The following NRXN1 variants were observed in gnomAD, a reference collection of about 807,000 sequenced individuals.
NRXN1 encodes the protein neurexin 1, also known as neurexin-1.
In NRXN1, 39 loss-of-function variants were observed where a neutral mutation model predicts 150.9. The observed-to-expected ratio is 0.26, with a 90% CI of 0.20 to 0.34. NRXN1 has a LOEUF of 0.34. Among genes scored for constraint, NRXN1 ranks in the 10% least tolerant of loss-of-function variants. The probability of loss-of-function intolerance (pLI) is 1.00; values close to 1 mark genes in which losing one functional copy is unlikely to be tolerated. For synonymous variants in NRXN1, 924 were observed against 757.0 expected, an observed-to-expected ratio of 1.22 and a Z score of -3.62; for missense variants, 1,815 against 1,949.9, an observed-to-expected ratio of 0.93 and a Z score of 1.30.
rs1029982749 is a variant in NRXN1 at position 49,920,045 on chromosome 2, A to C, written c.*1899T>G. 6.6e-6 allele frequency: 1 copy of C among 152,192 alleles called. No homozygotes were observed. Among genetic ancestry groups the C allele is most frequent in the Non-Finnish European group, 1.5e-5 (1 of 68,006 alleles). The allele number at this position is 152,192 out of a possible 1,614,324, so 9.4% of individuals were successfully genotyped here. ...GCAACCAATTTTTCCTGAAACATCA[A>C]CTTGCAATGTAATAATGCATTTTTT... On this transcript the variant is annotated 3_prime_UTR_variant, in exon 23 of 23. Transcript: ENST00000401669.
chr2:50,573,170 G>A (rs1670907333), intron 8 of NRXN1, among the ~76,000 whole-genome samples: 1 of 152,120 alleles, frequency 6.6e-6, no homozygotes, highest in South Asian at 2.1e-4. Context: ...AGGAGTTCGA[G>A]ACCAGCCTAG....
intron 17 of NRXN1, among the ~76,000 whole-genome samples, chr2:50,321,829 G>A (rs915174879): frequency 1.3e-5 from 2 of 151,962 alleles, no homozygotes; most frequent in Non-Finnish European, 2.9e-5. Context: ...CAATTAACCA[G>A]AAGTAGCTAA....
At chr2:50,500,508 T>C (rs141502392) in intron 13 of NRXN1, among the ~76,000 whole-genome samples, 19 of 152,334 alleles carry the variant, frequency 1.2e-4, no homozygotes, top group African/African-American at 3.4e-4. Flanking sequence ...TTAATCCTCA[T>C]CAGTAATACA....
intron 8 of NRXN1, among the ~76,000 whole-genome samples, chr2:50,598,515 C>T (rs1055642476): frequency 6.6e-6 from 1 of 150,762 alleles, no homozygotes; most frequent in Non-Finnish European, 1.5e-5. Context: ...TATACACATA[C>T]TTATAAGCTG....
At chr2:50,762,322 CT>C (rs1250681460) in intron 5 of NRXN1, among the ~76,000 whole-genome samples, 1 of 151,672 alleles carries the variant, frequency 6.6e-6, no homozygotes, top group African/African-American at 2.4e-5. Flanking sequence ...AGGTCATGTA[CT>C]TTTTTAAATT....
chr2:49,977,092 G>T (rs369250876), intron 21 of NRXN1, among the ~76,000 whole-genome samples: 1 of 152,012 alleles, frequency 6.6e-6, no homozygotes, highest in African/African-American at 2.4e-5. Context: ...TGAAAACTTG[G>T]CTTATAGATT....
intron 5 of NRXN1, chr2:50,918,478 G>A (rs1158253413): frequency 2.9e-6 from 1 of 345,542 alleles, no homozygotes; most frequent in Non-Finnish European, 5.3e-6. Flanking sequence ...GATGACTTAT[G>A]AAGGAAAAGT....
intron 2 of NRXN1, among the ~76,000 whole-genome samples, chr2:50,930,797 T>A (rs150104351): frequency 1.3e-5 from 2 of 152,124 alleles, no homozygotes; most frequent in Non-Finnish European, 1.5e-5. Flanking sequence ...TGATACGGAA[T>A]TGACAGACAA....
intron 13 of NRXN1, among the ~76,000 whole-genome samples, chr2:50,504,117 G>A (rs2092097920): frequency 1.5e-5 from 2 of 132,764 alleles, no homozygotes; most frequent in Admixed American, 1.5e-4. Context: ...CTAGATTAAA[G>A]GAGGCTAAAG....
chr2:50,025,598 T>C (rs775564201), intron 21 of NRXN1, among the ~76,000 whole-genome samples: 4 of 152,110 alleles, frequency 2.6e-5, no homozygotes, highest in African/African-American at 9.7e-5. Flanking sequence ...AATATGACAA[T>C]GTCAAGTAGC....
intron 2 of NRXN1, among the ~76,000 whole-genome samples, chr2:51,023,900 A>T (rs1420647454): frequency 6.6e-6 from 1 of 152,202 alleles, no homozygotes; most frequent in African/African-American, 2.4e-5. Flanking sequence ...GACATTAAAC[A>T]ATCAGGAAGC....
intron 10 of NRXN1, among the ~76,000 whole-genome samples, chr2:50,538,010 T>C (rs1320247965): frequency 2.0e-5 from 3 of 152,182 alleles, no homozygotes; most frequent in African/African-American, 4.8e-5. Context: ...CTCTAGAGGA[T>C]ACTAAAGATT....
chr2:50,414,009 G>A (rs181067774), intron 17 of NRXN1, among the ~76,000 whole-genome samples: 6 of 126,382 alleles, frequency 4.7e-5, no homozygotes, highest in Non-Finnish European at 8.0e-5. Flanking sequence ...ATAGAGAGTA[G>A]AAGAATGGTT....
chr2:49,984,460 C>T (rs556532251), intron 21 of NRXN1, among the ~76,000 whole-genome samples: 68 of 151,832 alleles, frequency 4.5e-4, no homozygotes, highest in African/African-American at 1.6e-3. Flanking sequence ...ACTTTTTTTC[C>T]AAAATAATGC....
chr2:50,111,764 C>T (rs1702407313), intron 18 of NRXN1, among the ~76,000 whole-genome samples: 2 of 152,170 alleles, frequency 1.3e-5, no homozygotes, highest in Admixed American at 1.3e-4. Flanking sequence ...CCACATTTTC[C>T]CCACAGTCAG....
At chr2:50,683,448 C>T (rs1020015710) in intron 5 of NRXN1, among the ~76,000 whole-genome samples, 7 of 148,754 alleles carry the variant, frequency 4.7e-5, no homozygotes, top group African/African-American at 1.2e-4. Context: ...CTGGCTAACA[C>T]GGTCAAACCC....
At chr2:50,342,007 A>C (rs1452174274) in intron 17 of NRXN1, among the ~76,000 whole-genome samples, 1 of 152,206 alleles carries the variant, frequency 6.6e-6, no homozygotes, top group Non-Finnish European at 1.5e-5. Context: ...TTTAGAACTA[A>C]GTTGTAAACT....
At chr2:50,393,739 T>C (rs971311437) in intron 17 of NRXN1, among the ~76,000 whole-genome samples, 2 of 152,246 alleles carry the variant, frequency 1.3e-5, no homozygotes. Flanking sequence ...TCTTCAGGAC[T>C]TTCTCCCTAC....
chr2:50,521,176 T>C (rs1339483800), intron 12 of NRXN1, among the ~76,000 whole-genome samples: 1 of 152,200 alleles, frequency 6.6e-6, no homozygotes, highest in African/African-American at 2.4e-5. Flanking sequence ...GTAAGCAACA[T>C]TTAAAAGGGA....
Sources: allele counts gnomAD v4.1 joint callset (sites outside exome capture counted in the v4.1 genomes callset), GRCh38; gene constraint gnomAD v4.1.1; transcripts MANE v1.5; gene names NCBI Gene and HGNC (gene_info 2026-07-23, HGNC 2026-07-21).